Variants in SLC12A4 observed in about 807,000 individuals in gnomAD.
SLC12A4 encodes solute carrier family 12 member 4.
In SLC12A4, 84 loss-of-function variants were observed where a neutral mutation model predicts 119.2. That is an observed-to-expected ratio of 0.70 (90% CI 0.59 to 0.85). The LOEUF (loss-of-function observed/expected upper bound fraction) is 0.85, where lower values mean the gene tolerates loss of function less well. Ranked by LOEUF, SLC12A4 falls within the 40% of genes least tolerant of loss-of-function variation. SLC12A4 has a pLI of 0.00. For missense variants in SLC12A4, 1,298 were observed against 1,476.3 expected (o/e 0.88, Z 1.98); for synonymous variants, 599 against 604.6 (o/e 0.99, Z 0.14).
intron 3 of SLC12A4, among the ~76,000 whole-genome samples, chr16:67,959,581 C>T (rs551766393): frequency 4.6e-5 from 7 of 152,288 alleles, no homozygotes; most frequent in Admixed American, 2.0e-4. Context: ...ACCTGTCCTG[C>T]GTGGAGCAGT....
intron 6 of SLC12A4, chr16:67,954,257 C>A: frequency 3.0e-6 from 1 of 331,084 alleles, no homozygotes; most frequent in Non-Finnish European, 6.0e-6. Flanking sequence ...TCTGAAGTGC[C>A]CTGGCACAGA....
chr16:67,966,217 C>T (rs539968718), intron 1 of SLC12A4, among the ~76,000 whole-genome samples: 1 of 152,376 alleles, frequency 6.6e-6, no homozygotes, highest in African/African-American at 2.4e-5. Context: ...ACAGTTAGTG[C>T]CAGACGCCCA....
chr16:67,944,896 C>G lies in SLC12A4; in HGVS notation c.3202G>C (p.Glu1068Gln), dbSNP rs745923808. 2 of 1,613,546 alleles carry G rather than the reference C, an allele frequency of 1.2e-6. No homozygotes were observed. Among genetic ancestry groups the G allele is most frequent in the Non-Finnish European group, 1.7e-6 (2 of 1,180,026 alleles). The change falls in exon 24 of 24, where the codon GAG becomes CAG. Residue 1068 changes from glutamate to glutamine, a missense_variant. Coordinates refer to ENST00000316341, the MANE Select transcript of SLC12A4 (RefSeq NM_005072.5). The surrounding 1 kb of genome is among the most constrained non-coding windows in gnomAD (Gnocchi z 6.6). Reference protein sequence around the residue: ...EFLEVLTEGLERVLLVRGGGR... With the variant: ...EFLEVLTEGLQRVLLVRGGGR... ...CCACCGCGCACCAACAGCACCCGCT[C>G]AAGGCCCTCGGTCAGCACCTCGAGG...
intron 1 of SLC12A4, among the ~76,000 whole-genome samples, chr16:67,966,585 C>A (rs116214025): frequency 6.6e-6 from 1 of 152,246 alleles, no homozygotes; most frequent in Non-Finnish European, 1.5e-5. Flanking sequence ...CACCTCCCTA[C>A]CCCCTGCCCA....
chr16:67,958,482 C>T (rs367842354), intron 3 of SLC12A4, among the ~76,000 whole-genome samples: 2 of 152,166 alleles, frequency 1.3e-5, no homozygotes, highest in Admixed American at 6.6e-5. Flanking sequence ...TCCCTGCTGC[C>T]CTGAGATCAG....
chr16:67,950,828 GT>G lies in SLC12A4; in HGVS notation c.1397-118del. The G allele has an allele frequency of 6.9e-7, 1 of 1,441,080 alleles. No individual in the cohort carries two copies. Among genetic ancestry groups the G allele is most frequent in the Non-Finnish European group, 9.6e-7 (1 of 1,042,180 alleles). 89.3% of individuals were successfully genotyped at this position (1,441,080 alleles called of 1,614,324 possible). On this transcript the variant is annotated intron_variant, in intron 10 of 23. Transcript: ENST00000316341. The surrounding 1 kb of genome is among the most constrained non-coding windows in gnomAD (Gnocchi z 4.3). ...CCTACAGCTGGGAGTCTCGTGGTGT[GT>G]ATGTGCATGTGTGCATGAGAAGGGG...
intron 1 of SLC12A4, chr16:67,963,894 C>G (rs2030724796): frequency 1.3e-6 from 2 of 1,549,480 alleles, no homozygotes; most frequent in Non-Finnish European, 1.7e-6. Flanking sequence ...CAGATCGCCT[C>G]CACGCCCCAG....
intron 1 of SLC12A4, chr16:67,963,930 C>A: frequency 1.3e-6 from 2 of 1,551,392 alleles, no homozygotes; most frequent in Non-Finnish European, 1.7e-6. Context: ...TTCCGGAGTA[C>A]CCAATGTGCA....
chr16:67,963,841 G>C (rs946547462), intron 1 of SLC12A4: 10 of 1,500,380 alleles, frequency 6.7e-6, no homozygotes, highest in Admixed American at 2.0e-5. Context: ...GACACTGAGG[G>C]ACGGGGCCTG....
chr16:67,951,755 AGCTCTGT>A lies in SLC12A4; in HGVS notation c.1132+61_1132+67del. ...GTTCCCAAGCTGGCCACACAAGGAC[AGCTCTGT>A]GCTCTGTGCCCCTGCTCAGCCTGTG... On this transcript the variant is annotated intron_variant, in intron 8 of 23. Coordinates refer to ENST00000316341, the MANE Select transcript of SLC12A4 (RefSeq NM_005072.5). This position sits in a 1 kb window ranked among gnomAD's most constrained non-coding sequence, Gnocchi z 5.2. The A allele has an allele frequency of 7.2e-7, 1 of 1,382,422 alleles. No homozygotes were observed. The highest frequency in any genetic ancestry group is 2.0e-5 in the Admixed American group (1 of 50,016). The allele number at this position is 1,382,422 out of a possible 1,614,324, so 85.6% of individuals were successfully genotyped here.
intron 1 of SLC12A4, among the ~76,000 whole-genome samples, chr16:67,966,514 G>A (rs2030873571): frequency 6.6e-6 from 1 of 152,236 alleles, no homozygotes; most frequent in Non-Finnish European, 1.5e-5. Context: ...GGCAGGTGGG[G>A]ATCCAGGTGA....
In SLC12A4 at chr16:67,944,399, TG is replaced by T. The variant is rs1425207379; in HGVS notation, c.*440del. 3.0e-6 allele frequency: 4 copies of T among 1,313,342 alleles called. No individual in the cohort carries two copies. Among genetic ancestry groups the T allele is most frequent in the Non-Finnish European group, 3.9e-6 (4 of 1,030,920 alleles). 81.4% of individuals were successfully genotyped at this position (1,313,342 alleles called of 1,614,324 possible). ...GCTGTCTCCATTCGGCTCAGCTTGG[TG>T]GGGGGCCCTGCCCATAGTAGACTGA... On this transcript the variant is annotated 3_prime_UTR_variant, in exon 24 of 24. Transcript: ENST00000316341. This position sits in a 1 kb window ranked among gnomAD's most constrained non-coding sequence, Gnocchi z 6.6.
rs139261972 is a variant in SLC12A4, at chr16:67,944,893, G to A, written c.3205C>T (p.Arg1069Trp). The change falls in exon 24 of 24, where the codon CGG (arginine) becomes TGG (tryptophan). Residue 1069 changes from arginine (R) to tryptophan (W), a missense_variant. Coordinates refer to ENST00000316341, the MANE Select transcript of SLC12A4 (RefSeq NM_005072.5). The surrounding 1 kb of genome is among the most constrained non-coding windows in gnomAD (Gnocchi z 6.6). Reference sequence around the variant, plus strand: ...CCACCACCGCGCACCAACAGCACCCGCTCAAGGCCCTCGGTCAGCACCTCG... The same window carrying A: ...CCACCACCGCGCACCAACAGCACCCACTCAAGGCCCTCGGTCAGCACCTCG... ...FLEVLTEGLE[R>W]VLLVRGGGRE... is the part of the protein sequence containing the mutation. 98 of 1,613,268 alleles carry A rather than the reference G, an allele frequency of 6.1e-5. No individual in the cohort carries two copies. The highest frequency in any genetic ancestry group is 7.4e-5 in the Non-Finnish European group (87 of 1,180,028).
At position 67,952,287 on chromosome 16, in the gene SLC12A4, A is replaced by G. The variant is rs765460071; in HGVS notation, c.814T>C (p.Tyr272His). 3.1e-6 allele frequency: 5 copies of G among 1,614,144 alleles called. No homozygotes were observed. Among genetic ancestry groups the G allele is most frequent in the Non-Finnish European group, 4.2e-6 (5 of 1,180,030 alleles). ...MTLVVFVGVK[Y>H]VNKFASLFLA... ...AAGAGCGAGGCAAATTTGTTCACAT[A>G]CTTGACCCCCACAAACACCACCAGG... is the stretch of plus-strand genomic sequence containing the variant. The change falls in exon 7 of 24, where the codon TAT becomes CAT. Residue 272 changes from tyrosine (Y) to histidine (H), a missense_variant. Tyr to His is a moderately conservative substitution (Grantham distance 83). Coordinates refer to ENST00000316341, the MANE Select transcript of SLC12A4 (RefSeq NM_005072.5).
Position 67,950,416 on chromosome 16 carries a change from G to A in SLC12A4, c.1532C>T (p.Ser511Phe), listed in dbSNP as rs1167984121. The A allele has an allele frequency of 6.2e-7, 1 of 1,614,058 alleles. No individual in the cohort carries two copies. The highest frequency in any genetic ancestry group is 2.2e-5 in the East Asian group (1 of 44,884). Residue 511 changes from serine to phenylalanine, a missense_variant, in exon 12 of 24, where the codon TCC (serine) becomes TTC (phenylalanine). Physicochemically the swap from Ser to Phe is radical, Grantham distance 155 (BLOSUM62 -2). Transcript: ENST00000316341. This position sits in a 1 kb window ranked among gnomAD's most constrained non-coding sequence, Gnocchi z 4.3. ...WPSPWVIVIG[S>F]FFSTCGAGLQ... ...GCCAGCGCCACACGTTGAAAAGAAG[G>A]AGCCGATGACGATGACCCAGGGTGA...
In SLC12A4 at chr16:67,950,793, T is replaced by G. The variant is rs1251126979; in HGVS notation, c.1397-82A>C. On this transcript the variant is annotated intron_variant, in intron 10 of 23. Coordinates refer to ENST00000316341, the MANE Select transcript of SLC12A4 (RefSeq NM_005072.5). The surrounding 1 kb of genome is among the most constrained non-coding windows in gnomAD (Gnocchi z 4.3). ...CCACGTGCCCCCACCCCAGCCAGAC[T>G]ACCAGGACACCTACAGCTGGGAGTC... The G allele has an allele frequency of 3.3e-6, 5 of 1,529,656 alleles. No homozygotes were observed. 94.8% of individuals were successfully genotyped at this position (1,529,656 alleles called of 1,614,324 possible). A position where few individuals can be genotyped will look rare whatever the true frequency, so the allele number is the denominator to read the frequency against.
chr16:67,946,777 C>G (rs760359943), intron 17 of SLC12A4, 144 bp from the exon 18 acceptor site: 8 of 1,232,098 alleles, frequency 6.5e-6, no homozygotes, highest in Non-Finnish European at 9.0e-6. Context: ...GCCAAGTTTT[C>G]AAGATGGGAC....
chr16:67,945,904 G>A, intron 20 of SLC12A4, 33 bp from the exon 21 acceptor site: 1 of 1,613,360 alleles, frequency 6.2e-7, no homozygotes, highest in Non-Finnish European at 8.5e-7. Flanking sequence ...GGACCCAGCT[G>A]CACGGGACAT....
intron 19 of SLC12A4, 39 bp from the exon 20 acceptor site, chr16:67,946,121 G>A: frequency 6.2e-7 from 1 of 1,612,714 alleles, no homozygotes; most frequent in East Asian, 2.2e-5. Flanking sequence ...GGTCACAGCT[G>A]CTCCTCCAAG....
Sources: allele counts gnomAD v4.1 joint callset (sites outside exome capture counted in the v4.1 genomes callset), GRCh38; gene constraint gnomAD v4.1.1; non-coding constraint Gnocchi (gnomAD v3.1); transcripts MANE v1.5; gene names NCBI Gene and HGNC (gene_info 2026-07-23, HGNC 2026-07-21).